Variants in USP54 observed in about 807,000 individuals in gnomAD.
USP54 encodes the protein ubiquitin carboxyl-terminal hydrolase 54.
A neutral mutation model predicts 170.5 loss-of-function variants in USP54; 87 were observed. The observed-to-expected ratio is 0.51, with a 90% CI of 0.43 to 0.61. USP54 has a LOEUF of 0.61. USP54 is among the 20% of genes least tolerant of loss of function. USP54 has a pLI of 0.00. For missense variants in USP54, 1,786 were observed against 2,047.8 expected, an observed-to-expected ratio of 0.87 and a Z score of 2.47; for synonymous variants, 655 against 742.8, an observed-to-expected ratio of 0.88 and a Z score of 1.92.
intron 4 of USP54, among the ~76,000 whole-genome samples, chr10:73,569,197 T>C (rs1195349287): frequency 6.6e-6 from 1 of 152,192 alleles, no homozygotes; most frequent in Non-Finnish European, 1.5e-5. Context: ...TTTTCTCCCT[T>C]TCTGAATGAC....
intron 1 of USP54, among the ~76,000 whole-genome samples, chr10:73,605,021 G>A (rs1384003093): frequency 1.3e-5 from 2 of 152,120 alleles, no homozygotes; most frequent in Non-Finnish European, 2.9e-5. Context: ...TTTTTACAGA[G>A]TGCTGAATGA....
chr10:73,520,727 A>G (rs550141101), intron 18 of USP54, among the ~76,000 whole-genome samples, 181 bp downstream of exon 18: 1 of 152,362 alleles, frequency 6.6e-6, no homozygotes, highest in African/African-American at 2.4e-5. Flanking sequence ...CATAGGCCAC[A>G]GTGCCAGTGC....
chr10:73,596,589 C>T (rs1185652783), intron 1 of USP54, among the ~76,000 whole-genome samples: 2 of 149,238 alleles, frequency 1.3e-5, no homozygotes, highest in African/African-American at 2.5e-5. Flanking sequence ...AGTAGTGGTA[C>T]GCGCCTGTAA....
intron 1 of USP54, among the ~76,000 whole-genome samples, chr10:73,606,173 C>A: frequency 4.4e-5 from 3 of 67,516 alleles, no homozygotes; most frequent in Admixed American, 2.0e-4. Context: ...GTGAGGCTGT[C>A]TCAAAAAAAA....
intron 17 of USP54, 65 bp from the exon 18 acceptor site, chr10:73,521,092 T>C: frequency 6.3e-7 from 1 of 1,599,112 alleles, no homozygotes; most frequent in Non-Finnish European, 8.5e-7. Context: ...GTACTGTTGT[T>C]TCCCTTCAGT....
At chr10:73,528,267 T>C (rs917808693) in intron 15 of USP54, among the ~76,000 whole-genome samples, 2 of 151,702 alleles carry the variant, frequency 1.3e-5, no homozygotes, top group African/African-American at 4.8e-5. Context: ...TGTTTGTTTT[T>C]TTGAGATGGA....
chr10:73,502,340 G>A (rs920033171), intron 22 of USP54, among the ~76,000 whole-genome samples: 12 of 151,594 alleles, frequency 7.9e-5, no homozygotes, highest in Non-Finnish European at 1.5e-4. Flanking sequence ...ACGGAGTCTC[G>A]CTCTGTCACC....
intron 4 of USP54, among the ~76,000 whole-genome samples, chr10:73,560,455 A>G (rs1230478602): frequency 2.0e-5 from 3 of 149,500 alleles, no homozygotes; most frequent in Non-Finnish European, 4.5e-5. Flanking sequence ...GAGATCAAAG[A>G]CCATCCTGGC....
chr10:73,594,158 C>T (rs1029260294), upstream of USP54, among the ~76,000 whole-genome samples: 2 of 151,980 alleles, frequency 1.3e-5, no homozygotes, highest in South Asian at 4.2e-4. Context: ...GCAACCTCCA[C>T]TTCCCAGGTT....
rs2063744042 is a variant in USP54 at position 73,530,410 on chromosome 10, A to G, written c.1561T>C (p.Ser521Pro). 3 of 1,613,978 alleles carry G rather than the reference A, an allele frequency of 1.9e-6. No homozygotes were observed. The highest frequency in any genetic ancestry group is 2.5e-6 in the Non-Finnish European group (3 of 1,180,022). The change falls in exon 14 of 24, where the codon TCC (serine) becomes CCC (proline). Residue 521 changes from serine (S) to proline (P), a missense_variant. Transcript: ENST00000687698. ...CCTACATTGGTCTGAGAAGCCAGGG[A>G]TGGTCTGTTATGGATCATATTGCTG... ...TVSNMIHNRP[S>P]LASQTNVGSH...
At chr10:73,599,418 G>A (rs2078997566) in intron 1 of USP54, among the ~76,000 whole-genome samples, 1 of 152,122 alleles carries the variant, frequency 6.6e-6, no homozygotes, top group Non-Finnish European at 1.5e-5. Context: ...TGCATATCAT[G>A]TTTAGTCCTT....
intron 1 of USP54, among the ~76,000 whole-genome samples, chr10:73,623,446 C>T (rs930264886): frequency 6.6e-6 from 1 of 151,404 alleles, no homozygotes; most frequent in Non-Finnish European, 1.5e-5. Context: ...CACTTGAGCC[C>T]AGGAGTTTGA....
chr10:73,581,774 A>G (rs2076929495), intron 1 of USP54, among the ~76,000 whole-genome samples: 1 of 152,254 alleles, frequency 6.6e-6, no homozygotes, highest in Admixed American at 6.5e-5. Flanking sequence ...TGAACTAAAT[A>G]GATCTAAATA....
intron 1 of USP54, among the ~76,000 whole-genome samples, chr10:73,588,461 C>G (rs953393820): frequency 2.4e-4 from 37 of 152,176 alleles, no homozygotes; most frequent in African/African-American, 8.2e-4. Context: ...TGACCTCAAG[C>G]GATCCGCCCA....
chr10:73,571,546 AT>A, intron 3 of USP54, 33 bp from the exon 4 acceptor site: 1 of 1,539,032 alleles, frequency 6.5e-7, no homozygotes, highest in Non-Finnish European at 9.0e-7. Context: ...TCATTACTCT[AT>A]AAAAAGCTAC....
At chr10:73,602,808 A>G (rs1373662349) in intron 1 of USP54, among the ~76,000 whole-genome samples, 1 of 145,314 alleles carries the variant, frequency 6.9e-6, no homozygotes, top group Non-Finnish European at 1.5e-5. Context: ...GTGAGCTGAG[A>G]TCGCACCACT....
rs772307339 is a variant in USP54, at chr10:73,529,719, C to T, written c.2021G>A (p.Ser674Asn). 9.0e-5 allele frequency: 146 copies of T among 1,613,832 alleles called. No individual in the cohort carries two copies. Among genetic ancestry groups the T allele is most frequent in the Non-Finnish European group, 1.2e-4 (143 of 1,179,832 alleles). Residue 674 changes from serine (S) to asparagine (N), a missense_variant, in exon 15 of 24, where the codon AGC becomes AAC. Physicochemically the swap from Ser to Asn is conservative, Grantham distance 46 (BLOSUM62 1). Around this residue, in one of 3 missense-constraint regions of USP54, gnomAD observed 1,418 missense variants for 1,569.0 expected, o/e 0.90. Coordinates refer to ENST00000687698, the MANE Select transcript of USP54 (RefSeq NM_001391956.1). ...SSERNSSSPV[S>N]LDAALPESSN... ...GCTCTCAGGCAGGGCTGCATCCAGGCTGACAGGGCTGCTGCTGTTCCTCTC... is the reference window on the plus strand; with the variant it reads ...GCTCTCAGGCAGGGCTGCATCCAGGTTGACAGGGCTGCTGCTGTTCCTCTC...
At chr10:73,623,931 C>T (rs1418984207) in intron 1 of USP54, among the ~76,000 whole-genome samples, 2 of 151,856 alleles carry the variant, frequency 1.3e-5, no homozygotes, top group South Asian at 4.2e-4. Context: ...CAATGCCTTA[C>T]ACAGTACTTT....
At chr10:73,622,840 C>T (rs1199095333) in intron 1 of USP54, among the ~76,000 whole-genome samples, 1 of 151,410 alleles carries the variant, frequency 6.6e-6, no homozygotes, top group African/African-American at 2.4e-5. Context: ...CCTGGAGAGG[C>T]TGAAAAGCAA....
Sources: gnomAD v4.1 joint callset for allele counts (sites outside exome capture counted in the v4.1 genomes callset) on GRCh38, gnomAD v4.1.1 for gene constraint, gnomAD v4.1.1 regional missense constraint, MANE v1.5 for transcripts, NCBI Gene and HGNC (gene_info 2026-07-23, HGNC 2026-07-21) for gene names.